The following BMPR1A variants were observed in gnomAD, a reference collection of about 807,000 sequenced individuals.
The protein encoded by BMPR1A is bone morphogenetic protein receptor type-1A.
In BMPR1A, 7 loss-of-function variants were observed where a neutral mutation model predicts 66.0. The observed-to-expected ratio is 0.11, with a 90% CI of 0.06 to 0.20. The LOEUF (loss-of-function observed/expected upper bound fraction) is 0.20, where lower values mean the gene tolerates loss of function less well. Among genes scored for constraint, BMPR1A ranks in the 10% least tolerant of loss-of-function variants. The pLI, the probability that BMPR1A is intolerant of heterozygous loss-of-function variation, is 1.00. For missense variants in BMPR1A, 408 were observed against 669.1 expected, an observed-to-expected ratio of 0.61 and a Z score of 4.31; for synonymous variants, 200 against 229.7, an observed-to-expected ratio of 0.87 and a Z score of 1.17.
chr10:86,771,322 T>C (rs544890654), intron 1 of BMPR1A, among the ~76,000 whole-genome samples: 2 of 152,266 alleles, frequency 1.3e-5, no homozygotes, highest in Admixed American at 6.5e-5. Flanking sequence ...AATATTCAGC[T>C]GTTATTCACA....
intron 8 of BMPR1A, among the ~76,000 whole-genome samples, chr10:86,915,376 A>G (rs1843551963): frequency 6.6e-6 from 1 of 152,192 alleles, no homozygotes; most frequent in South Asian, 2.1e-4. Flanking sequence ...CTGTATCTTA[A>G]TTGTGGTATT....
At position 86,864,275 on chromosome 10, in the gene BMPR1A, TC is replaced by T. The variant is rs369863607; in HGVS notation, c.-152-11588del. Among the ~76,000 whole-genome samples, 5 of 152,270 alleles carry T rather than the reference TC, an allele frequency of 3.3e-5. No individual in the cohort carries two copies. In the East Asian group the frequency reaches 7.7e-4, roughly 24 times the overall value. ...CAAATGGGACCGAAGAGCTCCCTGT[TC>T]CCCTCATGACACCGACACGACAAAA... On this transcript the variant is annotated intron_variant, in intron 2 of 12. Coordinates refer to ENST00000372037, the MANE Select transcript of BMPR1A (RefSeq NM_004329.3).
rs11202241 is a variant in BMPR1A at position 86,870,974 on chromosome 10, T to C, written c.-152-4893T>C. On this transcript the variant is annotated intron_variant, in intron 2 of 12. Coordinates refer to ENST00000372037, the MANE Select transcript of BMPR1A (RefSeq NM_004329.3). ...CCCAAGTCCTTCATATGCCCTTGCC[T>C]GATCTGGTCTTTGTCTTCTCTGCCT... Among the ~76,000 whole-genome samples the C allele has an allele frequency of 8.6e-3, 1,316 of 152,298 alleles. 26 individuals are homozygous for C. The highest frequency in any genetic ancestry group is 0.079 in the South Asian group (383 of 4,822).
At chr10:86,775,567 A>T (rs1272880271) in intron 1 of BMPR1A, among the ~76,000 whole-genome samples, 1 of 152,174 alleles carries the variant, frequency 6.6e-6, no homozygotes, top group African/African-American at 2.4e-5. Context: ...TGTATCACTG[A>T]GTTTTCTGGA....
chr10:86,796,001 T>G (rs1490632756), intron 1 of BMPR1A, among the ~76,000 whole-genome samples: 2 of 152,154 alleles, frequency 1.3e-5, no homozygotes, highest in African/African-American at 2.4e-5. Flanking sequence ...AGAAAGGTAG[T>G]GGTAAAAAGT....
chr10:86,772,012 T>C (rs1415210404), intron 1 of BMPR1A, among the ~76,000 whole-genome samples: 1 of 152,070 alleles, frequency 6.6e-6, no homozygotes, highest in Non-Finnish European at 1.5e-5. Flanking sequence ...CATATAGTTG[T>C]TTAAAAAAAT....
In BMPR1A at chr10:86,903,888, G is replaced by A. The variant is rs145741488; in HGVS notation, c.530+3762G>A. ...CCCAAAGTGCTGGGATTACAGGCAT[G>A]AGCCACCGTGCCCGGCCTATTATTT... On this transcript the variant is annotated intron_variant, in intron 7 of 12. Transcript: ENST00000372037. Among the ~76,000 whole-genome samples the A allele has an allele frequency of 1.1e-3, 165 of 151,128 alleles. 4 individuals are homozygous for A. The highest frequency in any genetic ancestry group is 2.1e-4 in the Non-Finnish European group (14 of 67,872).
intron 1 of BMPR1A, among the ~76,000 whole-genome samples, chr10:86,831,887 T>C (rs759004512): frequency 6.6e-5 from 10 of 152,240 alleles, no homozygotes; most frequent in Admixed American, 2.0e-4. Context: ...TAGAAGTGTA[T>C]TGATTACCTC....
intron 1 of BMPR1A, among the ~76,000 whole-genome samples, chr10:86,819,918 A>G (rs371473802): frequency 3.0e-4 from 45 of 152,228 alleles, no homozygotes; most frequent in African/African-American, 9.9e-4. Flanking sequence ...GTTGTGGTCA[A>G]TTGATGATTA....
At chr10:86,836,896 A>G (rs927153136) in intron 1 of BMPR1A, among the ~76,000 whole-genome samples, 6 of 152,252 alleles carry the variant, frequency 3.9e-5, no homozygotes, top group Non-Finnish European at 7.4e-5. Context: ...TTGTGCCACT[A>G]TACGCCAGCC....
chr10:86,866,410 T>TCTTTTTTTTTC (rs1227898234), intron 2 of BMPR1A, among the ~76,000 whole-genome samples: 19 of 114,912 alleles, frequency 1.7e-4, no homozygotes, highest in African/African-American at 5.5e-4. Flanking sequence ...TTTTTTTTTT[T>TCTTTTTTTTTC]TTTTTTTTTT....
intron 1 of BMPR1A, among the ~76,000 whole-genome samples, chr10:86,827,013 G>A (rs1184073814): frequency 6.6e-6 from 1 of 151,950 alleles, no homozygotes; most frequent in South Asian, 2.1e-4. Context: ...TATTTATAAT[G>A]TATATATCCA....
intron 1 of BMPR1A, among the ~76,000 whole-genome samples, chr10:86,765,887 T>A (rs902619209): frequency 2.6e-5 from 4 of 152,114 alleles, no homozygotes; most frequent in Non-Finnish European, 5.9e-5. Context: ...CTGTCCCCAT[T>A]TCCTAAAATG....
intron 2 of BMPR1A, among the ~76,000 whole-genome samples, chr10:86,872,585 A>G (rs1457324654): frequency 1.3e-5 from 2 of 152,130 alleles, no homozygotes; most frequent in African/African-American, 4.8e-5. Flanking sequence ...CTACTGGCAC[A>G]TAGAGGTTAA....
intron 1 of BMPR1A, among the ~76,000 whole-genome samples, chr10:86,810,278 G>A (rs1242794599): frequency 2.6e-5 from 4 of 152,158 alleles, no homozygotes. Context: ...AACACGCCTG[G>A]CTGCTGAATA....
chr10:86,829,923 A>G (rs1047781701), intron 1 of BMPR1A, among the ~76,000 whole-genome samples: 3 of 151,612 alleles, frequency 2.0e-5, no homozygotes, highest in Non-Finnish European at 4.4e-5. Flanking sequence ...GTGCTGTTAA[A>G]GAAAAAAAAA....
intron 5 of BMPR1A, among the ~76,000 whole-genome samples, chr10:86,894,044 AT>A (rs1282195029): frequency 1.3e-5 from 2 of 152,234 alleles, no homozygotes; most frequent in East Asian, 1.9e-4. Context: ...ACTGCTCCTT[AT>A]ATGATCAGCT....
chr10:86,901,720 TC>T (rs1843312830), intron 7 of BMPR1A, among the ~76,000 whole-genome samples: 1 of 152,174 alleles, frequency 6.6e-6, no homozygotes, highest in African/African-American at 2.4e-5. Context: ...AAGCTCAAAG[TC>T]CCTTTGTCAA....
chr10:86,851,437 TA>T (rs1221068961), intron 2 of BMPR1A, among the ~76,000 whole-genome samples: 1 of 152,238 alleles, frequency 6.6e-6, no homozygotes, highest in African/African-American at 2.4e-5. Flanking sequence ...CTAAGCTTTA[TA>T]AGAGGAGGAA....
Sources: gnomAD v4.1 joint callset for allele counts (sites outside exome capture counted in the v4.1 genomes callset) on GRCh38, gnomAD v4.1.1 for gene constraint, MANE v1.5 for transcripts, NCBI Gene and HGNC (gene_info 2026-07-23, HGNC 2026-07-21) for gene names.